The following ACSM6 variants were observed in gnomAD, a reference collection of about 807,000 sequenced individuals.
The protein encoded by ACSM6 is acyl-CoA synthetase medium chain family member 6.
A neutral mutation model predicts 51.1 loss-of-function variants in ACSM6; 35 were observed. The ratio of observed to expected loss-of-function variants is 0.69; its 90% CI spans 0.52 to 0.91. ACSM6 has a LOEUF of 0.91. Among genes scored for constraint, ACSM6 ranks in the 40% least tolerant of loss-of-function variants. The pLI is 0.00. For synonymous variants in ACSM6, 172 were observed against 207.3 expected, an observed-to-expected ratio of 0.83 and a Z score of 1.46; for missense variants, 509 against 584.1, an observed-to-expected ratio of 0.87 and a Z score of 1.32.
chr10:95,203,502 G>C (rs566034322), intron 3 of ACSM6, among the ~76,000 whole-genome samples: 9 of 152,080 alleles, frequency 5.9e-5, no homozygotes, highest in African/African-American at 1.9e-4. Flanking sequence ...TCCAGTATTA[G>C]AGAGTCCTTG....
intron 6 of ACSM6, 97 bp downstream of exon 6, chr10:95,212,131 G>T: frequency 6.9e-7 from 1 of 1,444,560 alleles, no homozygotes; most frequent in Non-Finnish European, 9.6e-7. Flanking sequence ...GGCAAATCAA[G>T]AGTTAAATTT....
At chr10:95,204,825 A>G (rs1044187608) in intron 3 of ACSM6, among the ~76,000 whole-genome samples, 2 of 152,054 alleles carry the variant, frequency 1.3e-5, no homozygotes, top group Non-Finnish European at 2.9e-5. Context: ...ACAAAAAAGG[A>G]AAAAAAAGAT....
At chr10:95,196,721 C>T (rs1460893699) in intron 2 of ACSM6, among the ~76,000 whole-genome samples, 1 of 152,142 alleles carries the variant, frequency 6.6e-6, no homozygotes, top group Non-Finnish European at 1.5e-5. Context: ...AAGCACTATG[C>T]TGTGGAAATA....
chr10:95,214,282 G>C (rs553416532), intron 7 of ACSM6, among the ~76,000 whole-genome samples: 1 of 152,200 alleles, frequency 6.6e-6, no homozygotes, highest in African/African-American at 2.4e-5. Context: ...ACCATAAAAA[G>C]TTTTGCTATA....
intron 3 of ACSM6, 26 bp downstream of exon 3, chr10:95,202,221 G>A: frequency 1.3e-6 from 2 of 1,533,934 alleles, no homozygotes; most frequent in Non-Finnish European, 1.8e-6. Flanking sequence ...CGGACCCCAG[G>A]GGTTGGAGGC....
At chr10:95,228,538 T>G in intron 10 of ACSM6, 106 bp from the exon 11 acceptor site, 1 of 1,165,268 alleles carries the variant, frequency 8.6e-7, no homozygotes, top group Non-Finnish European at 1.1e-6. Context: ...GATCCTGACT[T>G]ATTTTTCTCA....
intron 2 of ACSM6, among the ~76,000 whole-genome samples, chr10:95,197,518 C>T (rs1439356276): frequency 2.0e-5 from 3 of 152,110 alleles, no homozygotes; most frequent in African/African-American, 4.8e-5. Context: ...TGGATGTGCA[C>T]ATAAGCCAGA....
chr10:95,208,204 T>C (rs577398769), intron 4 of ACSM6, among the ~76,000 whole-genome samples: 2 of 151,992 alleles, frequency 1.3e-5, no homozygotes, highest in Admixed American at 1.3e-4. Context: ...CATTATCTTA[T>C]GTCAAATAAC....
intron 4 of ACSM6, among the ~76,000 whole-genome samples, chr10:95,209,963 G>T (rs558783447): frequency 6.6e-6 from 1 of 152,230 alleles, no homozygotes; most frequent in African/African-American, 2.4e-5. Flanking sequence ...TGGATTATAG[G>T]CTGTGTGAGG....
Position 95,201,471 on chromosome 10 carries a change from T to C in ACSM6, c.193-514T>C, listed in dbSNP as rs571522178. On this transcript the variant is annotated intron_variant, in intron 2 of 10. Transcript: ENST00000341686. ...TGGCCTTCAGCTCCATCCATGTTGC[T>C]GCAAAAGACAGGATTTCATTCTTTT... 148 of 455,658 alleles carry C rather than the reference T, an allele frequency of 3.2e-4. 1 individual carries two copies. Among genetic ancestry groups the C allele is most frequent in the African/African-American group, 2.5e-3 (123 of 50,048 alleles). 28.2% of individuals were successfully genotyped at this position (455,658 alleles called of 1,614,324 possible).
At chr10:95,206,519 G>A (rs2034840206) in intron 3 of ACSM6, among the ~76,000 whole-genome samples, 1 of 152,164 alleles carries the variant, frequency 6.6e-6, no homozygotes, top group African/African-American at 2.4e-5. Context: ...ATGTGGGAAA[G>A]GCCCACACCG....
In ACSM6 at chr10:95,206,529, G is replaced by A. The variant is rs188794908; in HGVS notation, c.404-679G>A. ...GCAGTATGTGGGAAAGGCCCACACCGGTAAAGCAGATCCTTTTCCAAAAAT... is the reference window on the plus strand; with the variant it reads ...GCAGTATGTGGGAAAGGCCCACACCAGTAAAGCAGATCCTTTTCCAAAAAT... On this transcript the variant is annotated intron_variant, in intron 3 of 10. Coordinates refer to ENST00000341686, the Ensembl canonical transcript of ACSM6. Among the ~76,000 whole-genome samples the A allele has an allele frequency of 3.5e-4, 53 of 152,274 alleles. 1 individual carries two copies. Among genetic ancestry groups the A allele is most frequent in the Non-Finnish European group, 6.3e-4 (43 of 68,026 alleles).
chr10:95,197,468 G>T (rs1447739822), intron 2 of ACSM6, among the ~76,000 whole-genome samples: 3 of 152,140 alleles, frequency 2.0e-5, no homozygotes, highest in African/African-American at 7.2e-5. Context: ...GTGAGCAATA[G>T]AATCTATGTC....
chr10:95,225,627 C>T, intron 10 of ACSM6: 1 of 396,056 alleles, frequency 2.5e-6, no homozygotes, highest in Non-Finnish European at 4.5e-6. Flanking sequence ...GGAGTAAATG[C>T]AGACATTATG....
chr10:95,210,847 A>G, intron 5 of ACSM6, 54 bp downstream of exon 5: 1 of 1,567,914 alleles, frequency 6.4e-7, no homozygotes, highest in Non-Finnish European at 8.6e-7. Context: ...TTGCAGGTAA[A>G]GGGAGCTTCA....
intron 10 of ACSM6, chr10:95,228,273 T>G (rs146743612): frequency 6.0e-6 from 1 of 165,736 alleles, no homozygotes; most frequent in Non-Finnish European, 1.3e-5. Flanking sequence ...CAGGGAACAG[T>G]GATTGCATCT....
intron 2 of ACSM6, among the ~76,000 whole-genome samples, chr10:95,198,616 A>T (rs528182553): frequency 6.7e-6 from 1 of 150,234 alleles, no homozygotes; most frequent in South Asian, 2.1e-4. Flanking sequence ...ATGCCACTGC[A>T]CTCCAGCCTG....
intron 10 of ACSM6, 85 bp downstream of exon 10, chr10:95,225,476 C>A: frequency 3.0e-6 from 3 of 989,766 alleles, no homozygotes; most frequent in Non-Finnish European, 2.8e-6. Context: ...TATGATTTGC[C>A]AAATACTTTT....
chr10:95,226,626 C>T (rs554094325), intron 10 of ACSM6, among the ~76,000 whole-genome samples: 5 of 152,222 alleles, frequency 3.3e-5, no homozygotes, highest in African/African-American at 1.2e-4. Flanking sequence ...TTTCAAACTG[C>T]TATTTCTTAT....
Sources: gnomAD v4.1 joint callset for allele counts (sites outside exome capture counted in the v4.1 genomes callset) on GRCh38, gnomAD v4.1.1 for gene constraint, MANE v1.5 for transcripts, NCBI Gene and HGNC (gene_info 2026-07-23, HGNC 2026-07-21) for gene names.